Variants in HSPA12A observed in about 807,000 individuals in gnomAD.
The protein encoded by HSPA12A is heat shock protein family A (Hsp70) member 12A, also known as heat shock 70 kDa protein 12A.
HSPA12A carries 28 observed loss-of-function variants against 69.2 expected under a neutral mutation model. The observed-to-expected ratio is 0.40, with a 90% CI of 0.30 to 0.55. The LOEUF is 0.55. Ranked by LOEUF, HSPA12A falls within the 20% of genes least tolerant of loss-of-function variation. The probability of loss-of-function intolerance (pLI) is 0.38; values close to 1 mark genes in which losing one functional copy is unlikely to be tolerated. For synonymous variants in HSPA12A, 345 were observed against 370.5 expected, an observed-to-expected ratio of 0.93 and a Z score of 0.79; for missense variants, 686 against 900.7, an observed-to-expected ratio of 0.76 and a Z score of 3.05.
intron 2 of HSPA12A, among the ~76,000 whole-genome samples, chr10:116,809,849 A>T (rs766210904): frequency 2.6e-5 from 4 of 152,330 alleles, no homozygotes; most frequent in East Asian, 3.9e-4. Context: ...GGTATACAGA[A>T]CTGGCAGAGC....
intron 2 of HSPA12A, among the ~76,000 whole-genome samples, chr10:116,810,653 T>A (rs1845160878): frequency 6.6e-6 from 1 of 152,178 alleles, no homozygotes; most frequent in Non-Finnish European, 1.5e-5. Context: ...ATCTGGAGAC[T>A]TGTTAGACAT....
chr10:116,774,014 CTTT>C (rs781996886), intron 2 of HSPA12A, among the ~76,000 whole-genome samples: 2 of 144,956 alleles, frequency 1.4e-5, no homozygotes, highest in Non-Finnish European at 3.0e-5. Context: ...GTGGCAAGGG[CTTT>C]TTTTTTTTTT....
intron 1 of HSPA12A, among the ~76,000 whole-genome samples, chr10:116,840,711 C>T (rs1845789667): frequency 6.6e-6 from 1 of 152,284 alleles, no homozygotes; most frequent in South Asian, 2.1e-4. Flanking sequence ...GTACAGAGAT[C>T]TAAGCTTAAT....
intron 2 of HSPA12A, among the ~76,000 whole-genome samples, chr10:116,756,673 C>T (rs930281409): frequency 2.6e-5 from 4 of 152,064 alleles, no homozygotes; most frequent in African/African-American, 4.8e-5. Context: ...CTTTGCAAAC[C>T]GTTTTGAAAG....
intron 2 of HSPA12A, among the ~76,000 whole-genome samples, chr10:116,771,295 C>T (rs189185533): frequency 6.6e-6 from 1 of 152,304 alleles, no homozygotes; most frequent in Non-Finnish European, 1.5e-5. Context: ...GAGCTGGGGC[C>T]ATCAGCAGCC....
chr10:116,676,591 A>C, intron 10 of HSPA12A, 89 bp from the exon 11 acceptor site: 2 of 1,024,646 alleles, frequency 2.0e-6, no homozygotes, highest in Admixed American at 1.8e-5. Flanking sequence ...CTGGCAGAAC[A>C]TCTGTCACTT....
intron 3 of HSPA12A, among the ~76,000 whole-genome samples, chr10:116,701,817 G>C (rs1214601428): frequency 1.3e-5 from 2 of 152,190 alleles, no homozygotes; most frequent in African/African-American, 4.8e-5. Flanking sequence ...AAAGCAGCTG[G>C]AATCAGGCTG....
At chr10:116,709,330 C>T (rs1335581914) in intron 1 of HSPA12A, among the ~76,000 whole-genome samples, 1 of 151,924 alleles carries the variant, frequency 6.6e-6, no homozygotes, top group Non-Finnish European at 1.5e-5. Flanking sequence ...TGCCTGTAGT[C>T]CCAGCTACTC....
At chr10:116,784,096 A>T (rs1564818641) in intron 2 of HSPA12A, among the ~76,000 whole-genome samples, 1 of 152,242 alleles carries the variant, frequency 6.6e-6, no homozygotes, top group Non-Finnish European at 1.5e-5. Flanking sequence ...ACCTGGTTGC[A>T]GTGTTGACCT....
rs551481235 is a variant in HSPA12A, at chr10:116,790,934, G to A, written c.91+44001C>T. On this transcript the variant is annotated intron_variant, in intron 2 of 12. Transcript: ENST00000635765. Reference sequence around the variant, plus strand: ...TCGAACTCCTGACCTCAAGTGATCCGCCCGCCTTGGCCTCCCAATGTGCTG... The same window carrying A: ...TCGAACTCCTGACCTCAAGTGATCCACCCGCCTTGGCCTCCCAATGTGCTG... Among the ~76,000 whole-genome samples the A allele has an allele frequency of 5.3e-5, 8 of 152,252 alleles. No homozygotes were observed. In the South Asian group the frequency reaches 8.3e-4, roughly 16 times the overall value.
At chr10:116,849,525 G>A in intron 1 of HSPA12A, 1 of 1,459,024 alleles carries the variant, frequency 6.9e-7, no homozygotes, top group Non-Finnish European at 9.1e-7. Context: ...GACGCTCGTG[G>A]GACCCCAGGC....
chr10:116,807,263 C>T (rs575533272), intron 2 of HSPA12A, among the ~76,000 whole-genome samples: 18 of 151,914 alleles, frequency 1.2e-4, no homozygotes, highest in African/African-American at 4.1e-4. Flanking sequence ...CTCCCTTCCA[C>T]GGGGTCACTG....
rs557716333 is a variant in HSPA12A at position 116,676,250 on chromosome 10, C to T, written c.1390+149G>A. On this transcript the variant is annotated intron_variant, in intron 11 of 11. Coordinates refer to ENST00000369209, the MANE Select transcript of HSPA12A (RefSeq NM_025015.3). ...CCCAGTAACCTCTCCCATACATGCC[C>T]AAGCCCTGCCCAGTCCTGCAGGGCC... 56 of 648,322 alleles carry T rather than the reference C, an allele frequency of 8.6e-5. No homozygotes were observed. The South Asian group carries it at 1.0e-3, about 12-fold the overall frequency. The allele number at this position is 648,322 out of a possible 1,614,324, so 40.2% of individuals were successfully genotyped here.
intron 1 of HSPA12A, among the ~76,000 whole-genome samples, chr10:116,734,440 ACT>A (rs1851249417): frequency 1.4e-5 from 2 of 139,692 alleles, no homozygotes; most frequent in Admixed American, 1.5e-4. Flanking sequence ...ATAGAGCGAG[ACT>A]CTGTCTAAAA....
chr10:116,774,222 G>A (rs1844281292), intron 2 of HSPA12A, among the ~76,000 whole-genome samples: 1 of 152,048 alleles, frequency 6.6e-6, no homozygotes, highest in Non-Finnish European at 1.5e-5. Context: ...TTTTAGCCGG[G>A]ATGGTCTCGA....
intron 1 of HSPA12A, among the ~76,000 whole-genome samples, chr10:116,711,618 T>TTC (rs1554883078): frequency 6.6e-6 from 1 of 151,968 alleles, no homozygotes; most frequent in Non-Finnish European, 1.5e-5. Context: ...AGAGAGTCAA[T>TTC]GTTTTCACAT....
At chr10:116,738,032 CCT>C (rs1267380343) in intron 1 of HSPA12A, among the ~76,000 whole-genome samples, 4 of 152,210 alleles carry the variant, frequency 2.6e-5, no homozygotes, top group Admixed American at 6.5e-5. Context: ...ATTAAAAGCC[CCT>C]GATTCCTCCC....
chr10:116,783,164 A>C (rs1441227137), intron 2 of HSPA12A, among the ~76,000 whole-genome samples: 2 of 152,200 alleles, frequency 1.3e-5, no homozygotes, highest in Non-Finnish European at 2.9e-5. Flanking sequence ...AGGAAGTGCC[A>C]ATGGGAAGGG....
chr10:116,737,866 AG>A (rs1851360916), intron 1 of HSPA12A, among the ~76,000 whole-genome samples: 1 of 152,198 alleles, frequency 6.6e-6, no homozygotes, highest in Admixed American at 6.5e-5. Context: ...AAGGATCAGC[AG>A]GGCCCGCTTC....
Sources: gnomAD v4.1 joint callset for allele counts (sites outside exome capture counted in the v4.1 genomes callset) on GRCh38, gnomAD v4.1.1 for gene constraint, MANE v1.5 for transcripts, NCBI Gene and HGNC (gene_info 2026-07-23, HGNC 2026-07-21) for gene names.